The following PAK1 variants were observed in gnomAD, a reference collection of about 807,000 sequenced individuals.
PAK1 encodes p21 (RAC1) activated kinase 1.
A neutral mutation model predicts 67.4 loss-of-function variants in PAK1; 29 were observed. The observed-to-expected ratio is 0.43, with a 90% CI of 0.32 to 0.59. PAK1 has a LOEUF of 0.59. PAK1 is among the 20% of genes least tolerant of loss of function. PAK1 has a pLI of 0.07. For missense variants in PAK1, 337 were observed against 670.7 expected, an observed-to-expected ratio of 0.50 and a Z score of 5.50; for synonymous variants, 223 against 237.4, an observed-to-expected ratio of 0.94 and a Z score of 0.56.
chr11:77,404,513 CACCT>C (rs1283218841), intron 1 of PAK1, among the ~76,000 whole-genome samples: 3 of 152,086 alleles, frequency 2.0e-5, no homozygotes, highest in African/African-American at 7.2e-5. Context: ...GTGATCCACC[CACCT>C]CGGCCTCCCA....
chr11:77,434,532 C>G (rs530715183), intron 1 of PAK1, among the ~76,000 whole-genome samples: 138 of 152,076 alleles, frequency 9.1e-4, no homozygotes, highest in African/African-American at 3.3e-3. Context: ...CCTGTAACCT[C>G]AACCTCCTGG....
chr11:77,360,530 T>A (rs1565614731), intron 5 of PAK1, among the ~76,000 whole-genome samples: 2 of 152,230 alleles, frequency 1.3e-5, no homozygotes, highest in East Asian at 3.8e-4. Context: ...AATGTGGGAA[T>A]ACAGTTGACT....
chr11:77,420,457 A>G (rs1267778160), intron 1 of PAK1, among the ~76,000 whole-genome samples: 1 of 152,226 alleles, frequency 6.6e-6, no homozygotes, highest in Admixed American at 6.5e-5. Flanking sequence ...AGACTTAACA[A>G]GTCAAAACTC....
chr11:77,411,926 C>A (rs1954603096), intron 1 of PAK1: 1 of 152,328 alleles, frequency 6.6e-6, no homozygotes, highest in South Asian at 2.1e-4. Flanking sequence ...GCCGCCAGCT[C>A]CCGAGGTGCA....
Position 77,439,527 on chromosome 11 carries a change from A to G in PAK1, c.-22+34025T>C, listed in dbSNP as rs184280848. ...GTTAAAGGTTGTGTTAGATGCCCCT[A>G]AAGGGAAATTTCAGTCCCTAATATT... On this transcript the variant is annotated intron_variant, in intron 1 of 14. Coordinates refer to ENST00000356341, the MANE Select transcript of PAK1 (RefSeq NM_002576.5). 1.1e-4 allele frequency among the ~76,000 whole-genome samples: 17 copies of G among 152,274 alleles called. No individual in the cohort carries two copies. The East Asian group carries it at 3.3e-3, about 29-fold the overall frequency.
intron 1 of PAK1, among the ~76,000 whole-genome samples, chr11:77,463,755 A>T (rs1326403143): frequency 1.3e-5 from 2 of 152,194 alleles, no homozygotes; most frequent in Non-Finnish European, 2.9e-5. Flanking sequence ...AGGATATTAC[A>T]CAGGGTAGCG....
chr11:77,413,743 AAG>A (rs1954791050), intron 1 of PAK1, among the ~76,000 whole-genome samples: 1 of 151,984 alleles, frequency 6.6e-6, no homozygotes, highest in Admixed American at 6.6e-5. Context: ...AAAAGAAAGA[AAG>A]AAAGAATTGG....
chr11:77,350,645 A>C (rs1383253129), intron 8 of PAK1, among the ~76,000 whole-genome samples: 1 of 152,164 alleles, frequency 6.6e-6, no homozygotes, highest in Non-Finnish European at 1.5e-5. Context: ...GCAAGCCCTG[A>C]GATTATAATT....
Position 77,322,301 on chromosome 11 carries a change from T to G in PAK1, c.*973A>C, listed in dbSNP as rs1279365812. The G allele has an allele frequency of 5.1e-6, 1 of 195,872 alleles. No individual in the cohort carries two copies. Among genetic ancestry groups the G allele is most frequent in the African/African-American group, 2.3e-5 (1 of 43,284 alleles). The allele number at this position is 195,872 out of a possible 1,614,324, so 12.1% of individuals were successfully genotyped here. A position where few individuals can be genotyped will look rare whatever the true frequency, so the allele number is the denominator to read the frequency against. On this transcript the variant is annotated 3_prime_UTR_variant, in exon 15 of 15. Coordinates refer to ENST00000356341, the MANE Select transcript of PAK1 (RefSeq NM_002576.5). ...GTATCATGTCAGGCCACCAAATCCA[T>G]CCAGAACTAACATGCAGTCTCTAAT...
intron 1 of PAK1, among the ~76,000 whole-genome samples, chr11:77,443,349 T>C (rs1956447545): frequency 6.7e-6 from 1 of 150,364 alleles, no homozygotes; most frequent in Non-Finnish European, 1.5e-5. Flanking sequence ...AAGATTGTTA[T>C]AATAGACTGT....
At chr11:77,433,080 C>T (rs1260319130) in intron 1 of PAK1, among the ~76,000 whole-genome samples, 1 of 152,136 alleles carries the variant, frequency 6.6e-6, no homozygotes, top group Non-Finnish European at 1.5e-5. Context: ...AGTGCCAAGA[C>T]AATGCAACGA....
intron 1 of PAK1, among the ~76,000 whole-genome samples, chr11:77,407,198 T>C (rs1953714912): frequency 6.6e-6 from 1 of 152,136 alleles, no homozygotes; most frequent in Non-Finnish European, 1.5e-5. Flanking sequence ...TACTTTTAAG[T>C]CCCCCTTCCC....
intron 2 of PAK1, among the ~76,000 whole-genome samples, chr11:77,381,798 C>G (rs919081058): frequency 6.6e-6 from 1 of 152,196 alleles, no homozygotes; most frequent in Non-Finnish European, 1.5e-5. Flanking sequence ...TCCAAACGTT[C>G]ATTCTTCAGT....
At chr11:77,429,749 A>G (rs1360059351) in intron 1 of PAK1, among the ~76,000 whole-genome samples, 8 of 152,246 alleles carry the variant, frequency 5.3e-5, no homozygotes, top group Non-Finnish European at 8.8e-5. Flanking sequence ...ATTCTGAACT[A>G]TATTCTTTTG....
intron 1 of PAK1, among the ~76,000 whole-genome samples, chr11:77,446,721 G>A (rs552491206): frequency 2.0e-5 from 3 of 151,938 alleles, no homozygotes; most frequent in East Asian, 3.9e-4. Context: ...AGTTAAAATT[G>A]GCAGATTGAA....
At chr11:77,452,887 T>A (rs986505536) in intron 1 of PAK1, among the ~76,000 whole-genome samples, 2 of 152,198 alleles carry the variant, frequency 1.3e-5, no homozygotes, top group African/African-American at 4.8e-5. Flanking sequence ...TCTTCCTAGG[T>A]TGGCACATCA....
intron 1 of PAK1, among the ~76,000 whole-genome samples, chr11:77,469,335 A>G (rs1389864025): frequency 1.3e-5 from 2 of 152,210 alleles, no homozygotes; most frequent in Non-Finnish European, 2.9e-5. Flanking sequence ...CTGAGGGTTA[A>G]AAAGAACATG....
Position 77,473,930 on chromosome 11 carries a change from T to TG in PAK1, c.-401dup, listed in dbSNP as rs1957999391. On this transcript the variant is annotated 5_prime_UTR_variant, in exon 1 of 15. Transcript: ENST00000356341. ...GAGAGTCCAAGGGGGAAGGCGTCTGTGGGGGAGGACTGCAGAGCCTGTGAG... is the reference window on the plus strand; with the variant it reads ...GAGAGTCCAAGGGGGAAGGCGTCTGTGGGGGGAGGACTGCAGAGCCTGTGAG... 1 of 97,462 alleles carries TG rather than the reference T, an allele frequency of 1.0e-5. No homozygotes were observed. The highest frequency in any genetic ancestry group is 3.3e-4 in the South Asian group (1 of 3,072). 6.0% of individuals were successfully genotyped at this position (97,462 alleles called of 1,614,324 possible).
At chr11:77,429,899 G>A (rs184834361) in intron 1 of PAK1, among the ~76,000 whole-genome samples, 70 of 152,260 alleles carry the variant, frequency 4.6e-4, no homozygotes, top group Non-Finnish European at 1.0e-4. Flanking sequence ...AAATAATGTG[G>A]GGTTGATGGA....
Sources: gnomAD v4.1 joint callset for allele counts (sites outside exome capture counted in the v4.1 genomes callset) on GRCh38, gnomAD v4.1.1 for gene constraint, MANE v1.5 for transcripts, NCBI Gene and HGNC (gene_info 2026-07-23, HGNC 2026-07-21) for gene names.